Variants in UPF2 observed in about 807,000 individuals in gnomAD.
The protein encoded by UPF2 is regulator of nonsense transcripts 2.
UPF2 carries 17 observed loss-of-function variants against 141.4 expected under a neutral mutation model. The observed-to-expected ratio is 0.12, with a 90% CI of 0.08 to 0.18. The LOEUF (loss-of-function observed/expected upper bound fraction) is 0.18, where lower values mean the gene tolerates loss of function less well. Among genes scored for constraint, UPF2 ranks in the 10% least tolerant of loss-of-function variants. UPF2 has a pLI of 1.00. For missense variants in UPF2, 1,152 were observed against 1,515.9 expected (o/e 0.76, Z 3.99); for synonymous variants, 540 against 498.0 (o/e 1.08, Z -1.12).
At chr10:11,964,181 A>G in intron 10 of UPF2, 56 bp from the exon 11 acceptor site, 1 of 1,329,194 alleles carries the variant, frequency 7.5e-7, no homozygotes, top group South Asian at 1.3e-5. Flanking sequence ...CCTAGTAGAG[A>G]AGAAATTATC....
Position 11,967,441 on chromosome 10 carries a change from T to C in UPF2, c.1967A>G (p.Asp656Gly). 1 of 1,567,894 alleles carries C rather than the reference T, an allele frequency of 6.4e-7. No homozygotes were observed. The highest frequency in any genetic ancestry group is 8.6e-7 in the Non-Finnish European group (1 of 1,162,770). Residue 656 changes from aspartate to glycine, a missense_variant, in exon 10 of 22, where the codon GAC (aspartate) becomes GGC (glycine). By Grantham distance (94) the Asp-to-Gly change is moderately conservative. This residue lies in a region of UPF2 where 739 missense variants were observed against 1,032.2 expected (regional missense o/e 0.72). Transcript: ENST00000357604. ...ATTCTTTGTTTCAATATTGATCTGG[T>C]CCTTTTTCCGTACCTAAAAATTAAG... ...GDFRFHVRKK[D>G]QINIETKNKT...
intron 21 of UPF2, among the ~76,000 whole-genome samples, chr10:11,926,637 G>T (rs1369843521): frequency 3.3e-5 from 5 of 152,240 alleles, no homozygotes; most frequent in Non-Finnish European, 7.3e-5. Flanking sequence ...GCCAAGAGAT[G>T]GCAGGTGGGG....
chr10:12,017,783 T>G (rs1328365440), intron 3 of UPF2, among the ~76,000 whole-genome samples: 1 of 152,216 alleles, frequency 6.6e-6, no homozygotes, highest in Non-Finnish European at 1.5e-5. Context: ...GGGATACATG[T>G]GCAAAACGTG....
chr10:12,010,058 A>G (rs1834101542), intron 4 of UPF2, among the ~76,000 whole-genome samples: 1 of 152,240 alleles, frequency 6.6e-6, no homozygotes. Flanking sequence ...CCAGAAAGAT[A>G]CTGCCTCAGT....
Position 12,004,712 on chromosome 10 carries a change from A to T in UPF2, c.1322T>A (p.Ile441Asn). The change falls in exon 5 of 22, where the codon ATT (isoleucine) becomes AAT (asparagine). Residue 441 changes from isoleucine (I) to asparagine (N), a missense_variant. Ile to Asn is a moderately radical substitution (Grantham distance 149). Transcript: ENST00000357604. Reference sequence around the variant, plus strand: ...AGGTTTACCAGGTGTGAATATATCAATTCCAGGCCCATGTTCTACAATAAA... The same window carrying T: ...AGGTTTACCAGGTGTGAATATATCATTTCCAGGCCCATGTTCTACAATAAA... The part of the protein sequence containing the change: ...KPTPEEHGPG[I>N]DIFTPGKPGE... 5 of 1,612,880 alleles carry T rather than the reference A, an allele frequency of 3.1e-6. No homozygotes were observed. Among genetic ancestry groups the T allele is most frequent in the Non-Finnish European group, 4.2e-6 (5 of 1,179,618 alleles).
At chr10:12,031,991 A>C (rs1588580540) in intron 2 of UPF2, among the ~76,000 whole-genome samples, 2 of 152,312 alleles carry the variant, frequency 1.3e-5, no homozygotes, top group Admixed American at 1.3e-4. Flanking sequence ...GTGAAAGTAC[A>C]TTTTAAGAAA....
Position 11,956,371 on chromosome 10 carries a change from A to G in UPF2, c.2523T>C (p.Val841=). 6.2e-7 allele frequency: 1 copy of G among 1,614,176 alleles called. No individual in the cohort carries two copies. ...ACACTCCATCCACAACGTGGATCCC[A>G]ACATCCTCTTGGTAGAGCACTAGTC... The part of the protein sequence containing the change: ...LAGLVLYQED[V]GIHVVDGVLE... Residue 841 remains valine, a synonymous_variant, in exon 13 of 22, where the codon GTT becomes GTC. Coordinates refer to ENST00000357604, the MANE Select transcript of UPF2 (RefSeq NM_015542.4). The surrounding 1 kb of genome is among the most constrained non-coding windows in gnomAD (Gnocchi z 4.2).
chr10:11,933,428 T>C (rs1163134192), intron 19 of UPF2, among the ~76,000 whole-genome samples: 1 of 152,210 alleles, frequency 6.6e-6, no homozygotes, highest in African/African-American at 2.4e-5. Flanking sequence ...AACCAAGTAC[T>C]CTGAGTTTTC....
chr10:12,001,965 G>A (rs1833959811), intron 5 of UPF2, 140 bp from the exon 6 acceptor site: 5 of 777,568 alleles, frequency 6.4e-6, no homozygotes, highest in Non-Finnish European at 9.6e-6. Flanking sequence ...AATATATTTA[G>A]ATTTTATAAA....
intron 8 of UPF2, among the ~76,000 whole-genome samples, chr10:11,989,946 T>A (rs991297618): frequency 1.3e-5 from 2 of 152,148 alleles, no homozygotes; most frequent in Non-Finnish European, 1.5e-5. Flanking sequence ...TCCTCCAACA[T>A]CCCTAACCTA....
At chr10:12,008,193 A>T (rs1834067100) in intron 4 of UPF2, among the ~76,000 whole-genome samples, 1 of 152,086 alleles carries the variant, frequency 6.6e-6, no homozygotes, top group Non-Finnish European at 1.5e-5. Context: ...GAAAAAGGAC[A>T]GGGGGTGGGG....
Position 12,035,144 on chromosome 10 carries a change from TTTCTTCCTCTTCTTTTTTCTTTGA to T in UPF2, c.256_279del (p.Ser86_Glu93del). 2 of 1,601,994 alleles carry T rather than the reference TTTCTTCCTCTTCTTTTTTCTTTGA, an allele frequency of 1.2e-6. No individual in the cohort carries two copies. Among genetic ancestry groups the T allele is most frequent in the Non-Finnish European group, 1.7e-6 (2 of 1,177,550 alleles). On this transcript the variant is annotated inframe_deletion, in exon 2 of 22. Transcript: ENST00000357604. The stretch of plus-strand genomic sequence containing the variant: ...CTCTCTTCCTCTTGATGTTTCTTTT[TTTCTTCCTCTTCTTTTTTCTTTGA>T]TTCTTCCTCTGCCTTCACCTTTTCT...
At chr10:11,932,739 A>G (rs769528977) in intron 19 of UPF2, among the ~76,000 whole-genome samples, 4 of 152,218 alleles carry the variant, frequency 2.6e-5, no homozygotes, top group Non-Finnish European at 5.9e-5. Context: ...AAATTTCCTG[A>G]ACATAATAGC....
rs139572898 is a variant in UPF2, at chr10:11,966,689, G to A, written c.2067+652C>T. On this transcript the variant is annotated intron_variant, in intron 10 of 21. Coordinates refer to ENST00000357604, the MANE Select transcript of UPF2 (RefSeq NM_015542.4). ...TCCACCTGCCTCAGCCTCCCAAAGT[G>A]CTGGGATTAAAGGCGTGAGCCACCA... 1.5e-3 allele frequency among the ~76,000 whole-genome samples: 235 copies of A among 152,336 alleles called. 1 individual carries two copies. Among genetic ancestry groups the A allele is most frequent in the African/African-American group, 5.2e-3 (217 of 41,574 alleles).
intron 11 of UPF2, among the ~76,000 whole-genome samples, chr10:11,962,198 A>G (rs1449675012): frequency 6.6e-6 from 1 of 152,216 alleles, no homozygotes; most frequent in African/African-American, 2.4e-5. Flanking sequence ...GCACACTCAC[A>G]CATACCCCAA....
chr10:11,960,078 A>T (rs990444027), intron 11 of UPF2, among the ~76,000 whole-genome samples: 17 of 152,126 alleles, frequency 1.1e-4, no homozygotes, highest in Admixed American at 9.2e-4. Context: ...TTCGAATTGG[A>T]TAATTTGTTG....
intron 8 of UPF2, among the ~76,000 whole-genome samples, chr10:11,985,637 C>T (rs1014918588): frequency 2.4e-4 from 35 of 145,732 alleles, no homozygotes; most frequent in Non-Finnish European, 2.6e-4. Context: ...AAAAAAAAAA[C>T]AAACAAACAA....
intron 9 of UPF2, among the ~76,000 whole-genome samples, chr10:11,970,779 T>A (rs1833403225): frequency 6.6e-6 from 1 of 151,982 alleles, no homozygotes; most frequent in African/African-American, 2.4e-5. Flanking sequence ...GCCACTGCAT[T>A]CCAGCCCGGG....
intron 4 of UPF2, among the ~76,000 whole-genome samples, chr10:12,006,909 G>C (rs1834044122): frequency 6.6e-6 from 1 of 152,132 alleles, no homozygotes; most frequent in South Asian, 2.1e-4. Flanking sequence ...TCACCAGAAA[G>C]ACCGAGTGAT....
Sources: allele counts gnomAD v4.1 joint callset (sites outside exome capture counted in the v4.1 genomes callset), GRCh38; gene constraint gnomAD v4.1.1; regional missense constraint gnomAD v4.1.1; non-coding constraint Gnocchi (gnomAD v3.1); transcripts MANE v1.5; gene names NCBI Gene and HGNC (gene_info 2026-07-23, HGNC 2026-07-21).